The following FKBP1A variants were observed in gnomAD, a reference collection of about 807,000 sequenced individuals.
FKBP1A encodes the protein FKBP prolyl isomerase 1A.
Under a neutral mutation model 14.2 loss-of-function variants are expected in FKBP1A, and 5 were observed. The observed-to-expected ratio is 0.35, with a 90% CI of 0.18 to 0.74. FKBP1A has a LOEUF of 0.74. Ranked by LOEUF, FKBP1A falls within the 30% of genes least tolerant of loss-of-function variation. The probability of loss-of-function intolerance (pLI) is 0.56; values close to 1 mark genes in which losing one functional copy is unlikely to be tolerated. For missense variants in FKBP1A, 53 were observed against 138.8 expected (o/e 0.38, Z 3.10); for synonymous variants, 42 against 49.1 (o/e 0.86, Z 0.60).
At chr20:1,375,356 G>T (rs765627209) in intron 3 of FKBP1A, 135 bp downstream of exon 3, 15 of 640,654 alleles carry the variant, frequency 2.3e-5, no homozygotes, top group Non-Finnish European at 4.2e-5. Context: ...TCTTGTGGGG[G>T]TATTGGTCAG....
At chr20:1,374,399 G>A (rs549515999) in intron 3 of FKBP1A, 1 of 152,312 alleles carries the variant, frequency 6.6e-6, no homozygotes, top group African/African-American at 2.4e-5. Flanking sequence ...TAAGTATGAC[G>A]TCTCAGAAGT....
At chr20:1,389,999 C>G (rs1316560799) in intron 2 of FKBP1A, among the ~76,000 whole-genome samples, 3 of 152,182 alleles carry the variant, frequency 2.0e-5, no homozygotes, top group Non-Finnish European at 4.4e-5. Flanking sequence ...CCTTTGAGGC[C>G]TTGCTCATGC....
intron 2 of FKBP1A, among the ~76,000 whole-genome samples, chr20:1,388,954 G>C (rs1344033488): frequency 6.6e-6 from 1 of 152,164 alleles, no homozygotes; most frequent in African/African-American, 2.4e-5. Context: ...TCCAGCCTCA[G>C]GGTCCTGCAC....
intron 2 of FKBP1A, among the ~76,000 whole-genome samples, 191 bp from the exon 3 acceptor site, chr20:1,375,794 T>TA (rs2089533436): frequency 1.3e-5 from 2 of 152,050 alleles, no homozygotes; most frequent in Non-Finnish European, 2.9e-5. Flanking sequence ...GACCTGTGAA[T>TA]GCTCTTCCCT....
At position 1,370,031 on chromosome 20, in the gene FKBP1A, A is replaced by G. The variant is rs1375526444; in HGVS notation, c.*78T>C. On this transcript the variant is annotated 3_prime_UTR_variant, in exon 5 of 5. Coordinates refer to ENST00000400137, the MANE Select transcript of FKBP1A (RefSeq NM_000801.5). Reference sequence around the variant, plus strand: ...ATCAGGAAAAGCTCCATATGGATTCATGTGCACATGTCTGGAGGCACCAGA... The same window carrying G: ...ATCAGGAAAAGCTCCATATGGATTCGTGTGCACATGTCTGGAGGCACCAGA... 2.8e-5 allele frequency: 44 copies of G among 1,550,102 alleles called. No homozygotes were observed. The highest frequency in any genetic ancestry group is 3.4e-5 in the Non-Finnish European group (39 of 1,146,872).
chr20:1,373,700 A>G (rs932269128), intron 3 of FKBP1A, among the ~76,000 whole-genome samples: 2 of 152,202 alleles, frequency 1.3e-5, no homozygotes, highest in Non-Finnish European at 2.9e-5. Context: ...CGATAACACT[A>G]TCTCGATGGC....
intron 4 of FKBP1A, chr20:1,371,008 G>A (rs1045316315): frequency 1.0e-6 from 1 of 985,256 alleles, no homozygotes; most frequent in Non-Finnish European, 1.2e-6. Flanking sequence ...AGTTTAAAAA[G>A]CCCCTCCACT....
chr20:1,380,542 G>A (rs938728512), intron 2 of FKBP1A, among the ~76,000 whole-genome samples: 2 of 152,178 alleles, frequency 1.3e-5, no homozygotes, highest in African/African-American at 4.8e-5. Flanking sequence ...CTTGCCTATA[G>A]TAGGAAATAA....
chr20:1,372,156 G>A lies in FKBP1A; in HGVS notation c.283C>T (p.His95Tyr). The A allele has an allele frequency of 6.2e-7, 1 of 1,613,736 alleles. No homozygotes were observed. The highest frequency in any genetic ancestry group is 8.5e-7 in the Non-Finnish European group (1 of 1,179,660). The change falls in exon 4 of 5, where the codon CAT becomes TAT. Residue 95 changes from histidine to tyrosine, a missense_variant. His to Tyr is a moderately conservative substitution (Grantham distance 83). Around this residue, in one of 2 missense-constraint regions of FKBP1A, gnomAD observed 35 missense variants for 118.1 expected, o/e 0.30. Transcript: ENST00000400137. ...TCCACATCGAAGACGAGAGTGGCATGTGGTGGGATGATGCCTGGGTGCCCA... is the reference window on the plus strand; with the variant it reads ...TCCACATCGAAGACGAGAGTGGCATATGGTGGGATGATGCCTGGGTGCCCA... ...ATGHPGIIPPHATLVFDVELL... is the reference protein window; with the variant it reads ...ATGHPGIIPPYATLVFDVELL...
At chr20:1,381,074 T>C (rs1184323913) in intron 2 of FKBP1A, among the ~76,000 whole-genome samples, 1 of 152,214 alleles carries the variant, frequency 6.6e-6, no homozygotes, top group East Asian at 1.9e-4. Context: ...CTTAGTATGA[T>C]GTCAAAAAGC....
chr20:1,388,365 G>A (rs1299672557), intron 2 of FKBP1A, among the ~76,000 whole-genome samples: 1 of 152,226 alleles, frequency 6.6e-6, no homozygotes, highest in Non-Finnish European at 1.5e-5. Flanking sequence ...TCTAGACTGA[G>A]ATTACAGACA....
At chr20:1,391,903 G>A (rs929571932) in intron 2 of FKBP1A, among the ~76,000 whole-genome samples, 2 of 152,172 alleles carry the variant, frequency 1.3e-5, no homozygotes, top group East Asian at 1.9e-4. Context: ...CACAGCCACT[G>A]AGTCTCCGCC....
chr20:1,392,532 C>G (rs994886558), intron 2 of FKBP1A, among the ~76,000 whole-genome samples: 27 of 152,324 alleles, frequency 1.8e-4, no homozygotes, highest in Non-Finnish European at 2.6e-4. Flanking sequence ...CTCGCCAAGC[C>G]TCAGTTTCCT....
At chr20:1,391,378 GCTGA>G (rs2089734218) in intron 2 of FKBP1A, among the ~76,000 whole-genome samples, 1 of 152,186 alleles carries the variant, frequency 6.6e-6, no homozygotes, top group Non-Finnish European at 1.5e-5. Context: ...AGGCTCAGGT[GCTGA>G]CTGTGGCCTA....
At chr20:1,376,172 G>A (rs1189282379) in intron 2 of FKBP1A, among the ~76,000 whole-genome samples, 2 of 152,192 alleles carry the variant, frequency 1.3e-5, no homozygotes, top group Non-Finnish European at 2.9e-5. Flanking sequence ...TCCAGGCTGT[G>A]GGTCAGCACT....
intron 2 of FKBP1A, among the ~76,000 whole-genome samples, chr20:1,382,513 A>T (rs1407605069): frequency 6.6e-6 from 1 of 152,154 alleles, no homozygotes; most frequent in South Asian, 2.1e-4. Context: ...ATGCAGCCCA[A>T]GCTCACAGAC....
intron 3 of FKBP1A, among the ~76,000 whole-genome samples, chr20:1,374,888 G>C (rs2089518780): frequency 6.6e-6 from 1 of 152,186 alleles, no homozygotes; most frequent in Admixed American, 6.5e-5. Context: ...CCAGGCTGGA[G>C]CGCAATGGCA....
chr20:1,381,827 G>A (rs1003937154), intron 2 of FKBP1A, among the ~76,000 whole-genome samples: 2 of 152,114 alleles, frequency 1.3e-5, no homozygotes, highest in East Asian at 1.9e-4. Context: ...ATAAGAGAAC[G>A]TACTGTATGA....
At chr20:1,373,365 T>C (rs1389707779) in intron 3 of FKBP1A, among the ~76,000 whole-genome samples, 2 of 152,172 alleles carry the variant, frequency 1.3e-5, no homozygotes, top group Non-Finnish European at 2.9e-5. Flanking sequence ...CATGAAAAGA[T>C]GTCCAAGATG....
Sources: allele counts gnomAD v4.1 joint callset (sites outside exome capture counted in the v4.1 genomes callset), GRCh38; gene constraint gnomAD v4.1.1; regional missense constraint gnomAD v4.1.1; transcripts MANE v1.5; gene names NCBI Gene and HGNC (gene_info 2026-07-23, HGNC 2026-07-21).